The following EYA2 variants were observed in gnomAD, a reference collection of about 807,000 sequenced individuals.
EYA2 encodes the protein EYA transcriptional coactivator and phosphatase 2, also known as protein phosphatase EYA2.
EYA2 carries 31 observed loss-of-function variants against 69.2 expected under a neutral mutation model. The ratio of observed to expected loss-of-function variants is 0.45; its 90% CI spans 0.34 to 0.60. The LOEUF is 0.60. Ranked by LOEUF, EYA2 falls within the 20% of genes least tolerant of loss-of-function variation. EYA2 has a pLI of 0.02. For missense variants in EYA2, 622 were observed against 701.2 expected (o/e 0.89, Z 1.28); for synonymous variants, 257 against 279.4 (o/e 0.92, Z 0.80).
intron 12 of EYA2, among the ~76,000 whole-genome samples, chr20:47,173,588 A>T (rs7509016): frequency 7.6e-4 from 114 of 150,542 alleles, no homozygotes; most frequent in African/African-American, 1.8e-3. Flanking sequence ...GCTTTAAAAA[A>T]TTTTTTTTTA....
Position 47,188,444 on chromosome 20 carries a change from G to C in EYA2, c.*311G>C, listed in dbSNP as rs2034691433. 1 of 557,064 alleles carries C rather than the reference G, an allele frequency of 1.8e-6. No individual in the cohort carries two copies. Among genetic ancestry groups the C allele is most frequent in the Non-Finnish European group, 3.2e-6 (1 of 313,984 alleles). The allele number at this position is 557,064 out of a possible 1,614,324, so 34.5% of individuals were successfully genotyped here. On this transcript the variant is annotated 3_prime_UTR_variant, in exon 16 of 16. Transcript: ENST00000327619. ...TGATTTGGGGGGTGCCTGGTGATGA[G>C]GAGGGGATGGGTTTGTCTTGTCTTC...
intron 9 of EYA2, among the ~76,000 whole-genome samples, chr20:47,113,285 T>G (rs991551294): frequency 1.3e-5 from 2 of 151,998 alleles, no homozygotes; most frequent in Non-Finnish European, 2.9e-5. Context: ...GGAGGAAAAG[T>G]TGGGGCTCCC....
At chr20:47,060,362 A>G (rs545502113) in intron 5 of EYA2, among the ~76,000 whole-genome samples, 2 of 152,316 alleles carry the variant, frequency 1.3e-5, no homozygotes, top group Admixed American at 6.5e-5. Flanking sequence ...TCATGGCCCA[A>G]CATGGCTGCA....
At chr20:47,119,528 C>T (rs967188229) in intron 9 of EYA2, among the ~76,000 whole-genome samples, 5 of 152,180 alleles carry the variant, frequency 3.3e-5, no homozygotes, top group African/African-American at 1.2e-4. Context: ...CATGCTACAA[C>T]ACACTTATGT....
rs369210531 is a variant in EYA2, at chr20:47,078,359, ACAC to A, written c.661+4025_661+4027del. 8.8e-4 allele frequency among the ~76,000 whole-genome samples: 133 copies of A among 151,906 alleles called. 1 individual carries two copies. In the Middle Eastern group the frequency reaches 0.01, roughly 12 times the overall value. On this transcript the variant is annotated intron_variant, in intron 7 of 15. Transcript: ENST00000327619. ...CACACACACACACACACACACACAC[ACAC>A]ATTCATGCACTCTTTTTAAATTTCC...
intron 5 of EYA2, among the ~76,000 whole-genome samples, chr20:47,019,057 G>A (rs142813531): frequency 1.6e-4 from 25 of 152,150 alleles, no homozygotes; most frequent in African/African-American, 6.0e-4. Flanking sequence ...CTTACCCAAG[G>A]TCACACGGCC....
intron 1 of EYA2, among the ~76,000 whole-genome samples, chr20:46,958,236 G>A (rs1381594851): frequency 6.6e-6 from 1 of 152,122 alleles, no homozygotes; most frequent in Non-Finnish European, 1.5e-5. Context: ...GCTGCCTGGG[G>A]ACAGTTTTCC....
chr20:47,014,348 A>G (rs959340282), intron 4 of EYA2, among the ~76,000 whole-genome samples: 10 of 152,216 alleles, frequency 6.6e-5, no homozygotes, highest in Admixed American at 5.2e-4. Context: ...TACAAAAACC[A>G]TCAGCAGAAC....
chr20:47,184,629 C>T (rs2034602166), intron 15 of EYA2, among the ~76,000 whole-genome samples: 1 of 151,026 alleles, frequency 6.6e-6, no homozygotes, highest in South Asian at 2.1e-4. Flanking sequence ...TGCCATGTTG[C>T]CTGGGCTGGC....
intron 7 of EYA2, among the ~76,000 whole-genome samples, chr20:47,080,394 A>G (rs1231146298): frequency 6.9e-6 from 1 of 145,232 alleles, no homozygotes; most frequent in Non-Finnish European, 1.5e-5. Context: ...AGAAGACACA[A>G]TTACCACAGG....
chr20:47,141,541 T>C (rs151242527), intron 9 of EYA2, among the ~76,000 whole-genome samples: 1 of 152,346 alleles, frequency 6.6e-6, no homozygotes, highest in Non-Finnish European at 1.5e-5. Context: ...GGTAAGGGCA[T>C]GCTGCAGTAA....
At chr20:46,927,599 A>G (rs1030700264) in intron 1 of EYA2, among the ~76,000 whole-genome samples, 1 of 152,350 alleles carries the variant, frequency 6.6e-6, no homozygotes, top group Non-Finnish European at 1.5e-5. Flanking sequence ...GAAACCCCTT[A>G]TAAAACTATC....
intron 5 of EYA2, among the ~76,000 whole-genome samples, chr20:47,060,628 G>A (rs897327412): frequency 6.6e-6 from 1 of 152,310 alleles, no homozygotes; most frequent in Non-Finnish European, 1.5e-5. Context: ...GCCACAAACC[G>A]CTGCTCCCTA....
At chr20:47,016,996 G>A (rs900393784) in intron 5 of EYA2, among the ~76,000 whole-genome samples, 2 of 152,188 alleles carry the variant, frequency 1.3e-5, no homozygotes, top group East Asian at 3.8e-4. Context: ...GTTATTCCAG[G>A]CAGGAGGATC....
chr20:46,914,296 AT>A (rs898029659), intron 1 of EYA2, among the ~76,000 whole-genome samples: 3 of 152,082 alleles, frequency 2.0e-5, no homozygotes, highest in African/African-American at 7.2e-5. Flanking sequence ...AAAGGCTTTG[AT>A]TTTTCTGTGG....
At chr20:47,039,393 T>C (rs1308041889) in intron 5 of EYA2, among the ~76,000 whole-genome samples, 2 of 152,230 alleles carry the variant, frequency 1.3e-5, no homozygotes, top group Non-Finnish European at 2.9e-5. Context: ...CCATTCATTA[T>C]GTCTATTGTC....
At chr20:46,946,467 G>A (rs868798112) in intron 1 of EYA2, among the ~76,000 whole-genome samples, 66 of 152,148 alleles carry the variant, frequency 4.3e-4, no homozygotes, top group South Asian at 1.9e-3. Flanking sequence ...ATCATTGTGC[G>A]AGGGGCTCCC....
intron 12 of EYA2, among the ~76,000 whole-genome samples, chr20:47,174,873 A>G (rs1362684048): frequency 6.6e-6 from 1 of 152,184 alleles, no homozygotes; most frequent in Non-Finnish European, 1.5e-5. Context: ...TCAGGGCCAC[A>G]CTTGGTGGCC....
rs144157526 is a variant in EYA2 at position 47,136,906 on chromosome 20, A to G, written c.889-6153A>G. 9.7e-3 allele frequency among the ~76,000 whole-genome samples: 1,470 copies of G among 152,150 alleles called. 12 individuals are homozygous for G. Among genetic ancestry groups the G allele is most frequent in the Non-Finnish European group, 0.013 (883 of 67,990 alleles). On this transcript the variant is annotated intron_variant, in intron 9 of 15. Transcript: ENST00000327619. ...CCCACCACACCATCATAAAAACTGA[A>G]CCCGGAGAAATCTGTAGAACATTAG...
Sources: gnomAD v4.1 joint callset for allele counts (sites outside exome capture counted in the v4.1 genomes callset) on GRCh38, gnomAD v4.1.1 for gene constraint, MANE v1.5 for transcripts, NCBI Gene and HGNC (gene_info 2026-07-23, HGNC 2026-07-21) for gene names.